TMEM132C: variants seen among roughly 807,000 people sequenced by gnomAD.
TMEM132C encodes protein phosphatase 1, regulatory subunit 152.
A neutral mutation model predicts 61.4 loss-of-function variants in TMEM132C; 29 were observed. The ratio of observed to expected loss-of-function variants is 0.47; its 90% CI spans 0.35 to 0.64. The LOEUF (loss-of-function observed/expected upper bound fraction) is 0.64. Ranked by LOEUF, TMEM132C falls within the 30% of genes least tolerant of loss-of-function variation. TMEM132C has a pLI of 0.00. For synonymous variants in TMEM132C, 656 were observed against 633.1 expected (o/e 1.04, Z -0.54); for missense variants, 1,408 against 1,476.9 (o/e 0.95, Z 0.76).
chr12:128,294,778 C>T (rs28648437), intron 1 of TMEM132C, among the ~76,000 whole-genome samples: 59,524 of 151,920 alleles, frequency 0.39, 12,243 homozygotes, highest in Non-Finnish European at 0.45. Flanking sequence ...GCTCCACCCC[C>T]GTGACCTCAT....
chr12:128,359,419 T>C (rs947188238), intron 1 of TMEM132C, among the ~76,000 whole-genome samples: 1 of 152,156 alleles, frequency 6.6e-6, no homozygotes, highest in Non-Finnish European at 1.5e-5. Flanking sequence ...ACTGCCTCCA[T>C]GATTCAATTA....
At chr12:128,369,513 G>A (rs909665156) in intron 1 of TMEM132C, among the ~76,000 whole-genome samples, 1 of 150,992 alleles carries the variant, frequency 6.6e-6, no homozygotes, top group East Asian at 1.9e-4. Flanking sequence ...GATGATTCAT[G>A]CTTCAGCATT....
At position 128,616,897 on chromosome 12, in the gene TMEM132C, A is replaced by G. The variant is rs188952583; in HGVS notation, c.1305+562A>G. Among the ~76,000 whole-genome samples the G allele has an allele frequency of 7.7e-4, 117 of 152,332 alleles. 1 individual carries two copies. The highest frequency in any genetic ancestry group is 2.7e-3 in the African/African-American group (111 of 41,582). On this transcript the variant is annotated intron_variant, in intron 4 of 8. Transcript: ENST00000435159. ...TCTTAGATTACTGTTAGTAGTGTAC[A>G]CTGATGAGAACGTGTAAGCAAACAT...
intron 1 of TMEM132C, among the ~76,000 whole-genome samples, chr12:128,318,787 A>G (rs996277438): frequency 2.6e-5 from 4 of 152,216 alleles, no homozygotes; most frequent in African/African-American, 9.6e-5. Flanking sequence ...ATTCTAGCAT[A>G]GCAGCCTTAA....
intron 3 of TMEM132C, among the ~76,000 whole-genome samples, chr12:128,608,245 T>TG (rs1205147182): frequency 1.3e-5 from 2 of 152,208 alleles, no homozygotes; most frequent in East Asian, 3.8e-4. Flanking sequence ...CATTTATCCT[T>TG]GCAACAAACA....
At chr12:128,383,155 T>G (rs954677213) in intron 1 of TMEM132C, among the ~76,000 whole-genome samples, 6 of 152,184 alleles carry the variant, frequency 3.9e-5, no homozygotes, top group African/African-American at 1.4e-4. Flanking sequence ...TGTATGTGTG[T>G]GCACCTGTGC....
At chr12:128,394,464 A>G (rs898173866) in intron 1 of TMEM132C, among the ~76,000 whole-genome samples, 1 of 152,194 alleles carries the variant, frequency 6.6e-6, no homozygotes, top group Non-Finnish European at 1.5e-5. Context: ...ACTTTTAATA[A>G]CATGGCTAGG....
chr12:128,361,394 A>G (rs1049003080), intron 1 of TMEM132C, among the ~76,000 whole-genome samples: 3 of 152,096 alleles, frequency 2.0e-5, no homozygotes, highest in Non-Finnish European at 4.4e-5. Flanking sequence ...CTTTTCGTCT[A>G]TGTGGGGAAT....
intron 3 of TMEM132C, among the ~76,000 whole-genome samples, chr12:128,568,658 G>A (rs1319925853): frequency 6.6e-6 from 1 of 152,118 alleles, no homozygotes; most frequent in African/African-American, 2.4e-5. Context: ...ATTTCAACTA[G>A]CTCAGAATCT....
chr12:128,393,827 C>T (rs1418958648), intron 1 of TMEM132C, among the ~76,000 whole-genome samples: 3 of 152,214 alleles, frequency 2.0e-5, no homozygotes, highest in Admixed American at 2.0e-4. Flanking sequence ...GGCAAAGGTA[C>T]CTGATGATGA....
intron 2 of TMEM132C, among the ~76,000 whole-genome samples, chr12:128,427,705 G>C (rs991699501): frequency 1.3e-5 from 2 of 152,074 alleles, no homozygotes; most frequent in African/African-American, 2.4e-5. Flanking sequence ...TAAGGCACTC[G>C]GCTGGAGAAG....
chr12:128,372,576 G>T (rs901384272), intron 1 of TMEM132C, among the ~76,000 whole-genome samples: 2 of 152,150 alleles, frequency 1.3e-5, no homozygotes, highest in Non-Finnish European at 2.9e-5. Flanking sequence ...ATAAGCATTT[G>T]AATGCTTATT....
intron 3 of TMEM132C, among the ~76,000 whole-genome samples, chr12:128,600,889 C>T (rs554875081): frequency 6.6e-6 from 1 of 152,210 alleles, no homozygotes; most frequent in Non-Finnish European, 1.5e-5. Flanking sequence ...AAAACTATAT[C>T]CCCCCAGGGC....
intron 1 of TMEM132C, among the ~76,000 whole-genome samples, chr12:128,279,622 C>T (rs974705464): frequency 5.3e-5 from 8 of 152,196 alleles, no homozygotes; most frequent in African/African-American, 1.4e-4. Flanking sequence ...AGGCTCCCAC[C>T]GCAGGGCCTT....
At chr12:128,597,031 C>G (rs1359112118) in intron 3 of TMEM132C, among the ~76,000 whole-genome samples, 5 of 152,168 alleles carry the variant, frequency 3.3e-5, no homozygotes, top group Admixed American at 3.3e-4. Flanking sequence ...CAACAGTGCC[C>G]CCCTAGAAGT....
At chr12:128,520,123 C>T (rs947158496) in intron 2 of TMEM132C, among the ~76,000 whole-genome samples, 2 of 152,174 alleles carry the variant, frequency 1.3e-5, no homozygotes, top group African/African-American at 4.8e-5. Flanking sequence ...TGCAAAGGCA[C>T]ATGCTGGGTT....
intron 2 of TMEM132C, among the ~76,000 whole-genome samples, chr12:128,418,103 G>A (rs539766689): frequency 6.6e-6 from 1 of 152,164 alleles, no homozygotes; most frequent in Admixed American, 6.5e-5. Context: ...GATATGGCAC[G>A]TGTTATATTT....
At chr12:128,507,762 A>G (rs1291047857) in intron 2 of TMEM132C, among the ~76,000 whole-genome samples, 1 of 152,200 alleles carries the variant, frequency 6.6e-6, no homozygotes, top group African/African-American at 2.4e-5. Flanking sequence ...GCATGTTTTG[A>G]AGGAGAAAGG....
chr12:128,403,329 A>G (rs1046000022), intron 1 of TMEM132C, among the ~76,000 whole-genome samples: 12 of 152,164 alleles, frequency 7.9e-5, no homozygotes, highest in African/African-American at 2.9e-4. Flanking sequence ...GGAGAAAGGC[A>G]AGTCCTGTTT....
Sources: allele counts gnomAD v4.1 joint callset (sites outside exome capture counted in the v4.1 genomes callset), GRCh38; gene constraint gnomAD v4.1.1; transcripts MANE v1.5; gene names NCBI Gene and HGNC (gene_info 2026-07-23, HGNC 2026-07-21).